The following FSTL4 variants were observed in gnomAD, a reference collection of about 807,000 sequenced individuals.
The protein encoded by FSTL4 is follistatin like 4, also known as follistatin-related protein 4.
FSTL4 carries 28 observed loss-of-function variants against 78.2 expected under a neutral mutation model. That is an observed-to-expected ratio of 0.36 (90% CI 0.27 to 0.49). The LOEUF (loss-of-function observed/expected upper bound fraction) is 0.49, where lower values mean the gene tolerates loss of function less well. Among genes scored for constraint, FSTL4 ranks in the 20% least tolerant of loss-of-function variants. The pLI, the probability that FSTL4 is intolerant of heterozygous loss-of-function variation, is 0.98. For missense variants in FSTL4, 922 were observed against 1,084.9 expected (o/e 0.85, Z 2.11); for synonymous variants, 422 against 440.5 (o/e 0.96, Z 0.53).
At chr5:133,427,563 A>T (rs780993340) in intron 3 of FSTL4, 1 of 499,806 alleles carries the variant, frequency 2.0e-6, no homozygotes, top group Non-Finnish European at 4.2e-6. Context: ...TCCAGCAATT[A>T]GTGCACGCAA....
intron 1 of FSTL4, among the ~76,000 whole-genome samples, chr5:133,610,767 T>C (rs992552479): frequency 3.3e-5 from 5 of 152,226 alleles, no homozygotes; most frequent in Non-Finnish European, 7.3e-5. Flanking sequence ...GAAGACACTA[T>C]TAAAAAGCAT....
Position 133,201,999 on chromosome 5 carries a change from C to A in FSTL4, c.1760G>T (p.Arg587Leu). Residue 587 changes from arginine (R) to leucine (L), a missense_variant, in exon 15 of 16, where the codon CGC becomes CTC. Transcript: ENST00000265342. ...ASTGQSQHLI[R>L]TPFAGVDDFF... Reference sequence around the variant, plus strand: ...ATCATCCACTCCTGCAAAGGGTGTGCGGATGAGGTGCTGGCTCTGGCCGGT... The same window carrying A: ...ATCATCCACTCCTGCAAAGGGTGTGAGGATGAGGTGCTGGCTCTGGCCGGT... 4.3e-6 allele frequency: 7 copies of A among 1,611,886 alleles called. No homozygotes were observed. The highest frequency in any genetic ancestry group is 5.9e-6 in the Non-Finnish European group (7 of 1,178,606).
At chr5:133,317,770 G>A (rs539058766) in intron 4 of FSTL4, among the ~76,000 whole-genome samples, 1 of 152,352 alleles carries the variant, frequency 6.6e-6, no homozygotes, top group Non-Finnish European at 1.5e-5. Flanking sequence ...ACAAGGGGTT[G>A]TTACGAGGAT....
At chr5:133,571,523 G>A (rs1015351494) in intron 2 of FSTL4, among the ~76,000 whole-genome samples, 2 of 152,086 alleles carry the variant, frequency 1.3e-5, no homozygotes, top group Admixed American at 1.3e-4. Context: ...AATATGTTTA[G>A]GAAAATAGGA....
the FSTL4 span, among the ~76,000 whole-genome samples, chr5:133,699,761 G>T: frequency 5.9e-5 from 9 of 151,286 alleles, no homozygotes; most frequent in South Asian, 1.9e-3. Context: ...GGCACCTGTA[G>T]TCCCAGCTAC....
At chr5:133,218,848 G>A (rs951884452) in intron 12 of FSTL4, among the ~76,000 whole-genome samples, 9 of 152,010 alleles carry the variant, frequency 5.9e-5, no homozygotes, top group African/African-American at 2.2e-4. Context: ...TGTCTACCTG[G>A]GCACAGCCTT....
intron 5 of FSTL4, 88 bp downstream of exon 5, chr5:133,316,371 C>T (rs1753901701): frequency 1.0e-6 from 1 of 993,484 alleles, no homozygotes; most frequent in East Asian, 2.4e-5. Flanking sequence ...AGGTATTGAA[C>T]ACATGCTCTT....
chr5:133,407,377 A>G (rs1283678065), intron 3 of FSTL4, among the ~76,000 whole-genome samples: 2 of 152,210 alleles, frequency 1.3e-5, no homozygotes, highest in African/African-American at 2.4e-5. Context: ...ATTCTCAGTG[A>G]CCACAGGTGA....
At chr5:133,305,937 C>G (rs1362428157) in intron 6 of FSTL4, among the ~76,000 whole-genome samples, 1 of 152,222 alleles carries the variant, frequency 6.6e-6, no homozygotes, top group Admixed American at 6.5e-5. Flanking sequence ...GCTCACCCTG[C>G]TTTCAGAGAG....
At chr5:133,590,097 A>C (rs1453407732) in intron 2 of FSTL4, among the ~76,000 whole-genome samples, 2 of 96,078 alleles carry the variant, frequency 2.1e-5, no homozygotes, top group Admixed American at 2.3e-4. Context: ...TCTCCTCTTT[A>C]TTTATTTATT....
chr5:133,712,232 G>A, the FSTL4 span, among the ~76,000 whole-genome samples: 1 of 152,138 alleles, frequency 6.6e-6, no homozygotes, highest in Non-Finnish European at 1.5e-5. Context: ...TAATTCCAGG[G>A]CACAACTCCA....
intron 3 of FSTL4, among the ~76,000 whole-genome samples, chr5:133,549,495 G>A (rs1759651244): frequency 6.6e-6 from 1 of 152,022 alleles, no homozygotes; most frequent in Non-Finnish European, 1.5e-5. Flanking sequence ...TTATAACACA[G>A]CATGCACAGT....
At chr5:133,749,513 T>A in the FSTL4 span, among the ~76,000 whole-genome samples, 13,537 of 152,302 alleles carry the variant, frequency 0.089, 857 homozygotes, top group Admixed American at 0.16. Context: ...GTGCACAACC[T>A]GTTCAAGAGT....
chr5:133,227,433 A>G (rs1162496134), intron 8 of FSTL4, among the ~76,000 whole-genome samples: 1 of 152,236 alleles, frequency 6.6e-6, no homozygotes, highest in South Asian at 2.1e-4. Context: ...GAGGAAAGAA[A>G]GAAACTTCCC....
chr5:133,349,363 C>T (rs1754773908), intron 4 of FSTL4, among the ~76,000 whole-genome samples: 2 of 150,738 alleles, frequency 1.3e-5, no homozygotes, highest in Admixed American at 1.3e-4. Context: ...TTCCCTGTAG[C>T]CCCATCTCTC....
At chr5:133,749,238 G>A in the FSTL4 span, among the ~76,000 whole-genome samples, 6 of 152,196 alleles carry the variant, frequency 3.9e-5, no homozygotes, top group Non-Finnish European at 7.3e-5. Flanking sequence ...TAGGGAAGTA[G>A]CAAATGAGAA....
the FSTL4 span, among the ~76,000 whole-genome samples, chr5:133,795,529 A>G: frequency 6.6e-6 from 1 of 152,248 alleles, no homozygotes; most frequent in African/African-American, 2.4e-5. Context: ...GATTTAAAAA[A>G]AGTTTAACAG....
At chr5:133,332,143 CCCT>C (rs1287991462) in intron 4 of FSTL4, among the ~76,000 whole-genome samples, 1 of 152,184 alleles carries the variant, frequency 6.6e-6, no homozygotes, top group Non-Finnish European at 1.5e-5. Context: ...GCTCAGAAAG[CCCT>C]CCTCTTCCAG....
chr5:133,706,276 T>A, the FSTL4 span, among the ~76,000 whole-genome samples: 4 of 152,188 alleles, frequency 2.6e-5, no homozygotes, highest in African/African-American at 9.6e-5. Context: ...AGTTCACAGT[T>A]GGCATTCAAA....
Sources: allele counts gnomAD v4.1 joint callset (sites outside exome capture counted in the v4.1 genomes callset), GRCh38; gene constraint gnomAD v4.1.1; transcripts MANE v1.5; gene names NCBI Gene and HGNC (gene_info 2026-07-23, HGNC 2026-07-21).